Variants in WDR70 observed in about 807,000 individuals in gnomAD.
WDR70 encodes the protein WD repeat-containing protein 70.
Under a neutral mutation model 88.6 loss-of-function variants are expected in WDR70, and 53 were observed. That is an observed-to-expected ratio of 0.60 (90% CI 0.48 to 0.75). The LOEUF is 0.75. Ranked by LOEUF, WDR70 falls within the 30% of genes least tolerant of loss-of-function variation. The pLI is 0.00. For missense variants in WDR70, 610 were observed against 823.2 expected, an observed-to-expected ratio of 0.74 and a Z score of 3.17; for synonymous variants, 280 against 270.0, an observed-to-expected ratio of 1.04 and a Z score of -0.36.
intron 10 of WDR70, among the ~76,000 whole-genome samples, chr5:37,632,731 AT>A (rs1468583309): frequency 2.0e-5 from 3 of 152,214 alleles, no homozygotes; most frequent in Admixed American, 1.3e-4. Context: ...GCTACAGTTA[AT>A]TTATTATTGA....
intron 17 of WDR70, among the ~76,000 whole-genome samples, chr5:37,743,285 G>A (rs966494206): frequency 6.6e-6 from 1 of 152,236 alleles, no homozygotes; most frequent in African/African-American, 2.4e-5. Context: ...ATGGAACTGT[G>A]CAACCCACGG....
intron 7 of WDR70, among the ~76,000 whole-genome samples, chr5:37,455,052 A>G (rs1738789047): frequency 1.3e-5 from 2 of 152,222 alleles, no homozygotes; most frequent in African/African-American, 2.4e-5. Flanking sequence ...TAAAGCATTC[A>G]GTAGATAATA....
At chr5:37,664,425 G>C (rs1745783696) in intron 10 of WDR70, among the ~76,000 whole-genome samples, 1 of 152,164 alleles carries the variant, frequency 6.6e-6, no homozygotes, top group Non-Finnish European at 1.5e-5. Flanking sequence ...ACACTTCTAA[G>C]ACTTTTCTAT....
intron 12 of WDR70, among the ~76,000 whole-genome samples, chr5:37,701,382 G>T (rs528287369): frequency 6.6e-6 from 1 of 152,210 alleles, no homozygotes; most frequent in East Asian, 1.9e-4. Context: ...TGTGTGTATT[G>T]TATGCACGCA....
intron 7 of WDR70, among the ~76,000 whole-genome samples, chr5:37,453,111 G>T (rs1252948747): frequency 6.6e-6 from 1 of 152,130 alleles, no homozygotes; most frequent in African/African-American, 2.4e-5. Flanking sequence ...TTGTTGTTAA[G>T]CACAGTTTAT....
chr5:37,714,098 T>A (rs924699636), intron 13 of WDR70, among the ~76,000 whole-genome samples: 2 of 152,238 alleles, frequency 1.3e-5, no homozygotes, highest in African/African-American at 2.4e-5. Flanking sequence ...CATCTTTACC[T>A]GTACTATAGT....
At chr5:37,430,583 C>A (rs185033592) in intron 5 of WDR70, among the ~76,000 whole-genome samples, 1 of 151,326 alleles carries the variant, frequency 6.6e-6, no homozygotes, top group Non-Finnish European at 1.5e-5. Flanking sequence ...TTTTTTGATA[C>A]GGAGTCTCGC....
At chr5:37,522,470 CAAAAA>C (rs1209419601) in intron 9 of WDR70, among the ~76,000 whole-genome samples, 4 of 41,364 alleles carry the variant, frequency 9.7e-5, no homozygotes, top group Non-Finnish European at 1.5e-4. Context: ...GACTCTGTCT[CAAAAA>C]AAAAAAAAAA....
chr5:37,419,265 G>A (rs914692639), intron 5 of WDR70, among the ~76,000 whole-genome samples: 3 of 149,752 alleles, frequency 2.0e-5, no homozygotes, highest in African/African-American at 7.4e-5. Context: ...GGAGTGCAGT[G>A]GCGCAATCTT....
intron 9 of WDR70, among the ~76,000 whole-genome samples, chr5:37,569,319 C>G (rs1293226229): frequency 6.6e-6 from 1 of 152,116 alleles, no homozygotes; most frequent in Non-Finnish European, 1.5e-5. Flanking sequence ...GGTGGGAAGT[C>G]ACTTGCTGCT....
chr5:37,682,393 T>G (rs1383546966), intron 10 of WDR70, among the ~76,000 whole-genome samples: 1 of 151,838 alleles, frequency 6.6e-6, no homozygotes, highest in East Asian at 1.9e-4. Context: ...ATTGATCTTT[T>G]GAATGGTTTT....
intron 7 of WDR70, among the ~76,000 whole-genome samples, chr5:37,444,568 C>T (rs915553030): frequency 6.6e-6 from 1 of 152,052 alleles, no homozygotes; most frequent in Non-Finnish European, 1.5e-5. Context: ...GTCTCAAACT[C>T]CTGATCTCAA....
At chr5:37,692,434 A>G (rs1746827312) in intron 10 of WDR70, among the ~76,000 whole-genome samples, 1 of 152,184 alleles carries the variant, frequency 6.6e-6, no homozygotes, top group Admixed American at 6.5e-5. Flanking sequence ...TTAGACCAAT[A>G]TTCCTGATGA....
At chr5:37,524,776 G>A (rs892729193) in intron 9 of WDR70, among the ~76,000 whole-genome samples, 2 of 152,178 alleles carry the variant, frequency 1.3e-5, no homozygotes, top group African/African-American at 4.8e-5. Context: ...AAAATAAAAG[G>A]ATGGAGGAAG....
intron 8 of WDR70, chr5:37,505,655 A>T: frequency 1.2e-6 from 1 of 800,208 alleles, no homozygotes; most frequent in East Asian, 2.4e-5. Flanking sequence ...AAATGTTTTC[A>T]TCTTGTACAT....
chr5:37,592,412 C>A (rs948609360), intron 9 of WDR70, among the ~76,000 whole-genome samples: 2 of 149,364 alleles, frequency 1.3e-5, no homozygotes, highest in African/African-American at 5.0e-5. Context: ...TACACTTATT[C>A]ATACATAAGT....
intron 10 of WDR70, among the ~76,000 whole-genome samples, chr5:37,684,536 T>C (rs1209760815): frequency 3.3e-5 from 5 of 152,228 alleles, no homozygotes; most frequent in African/African-American, 4.8e-5. Flanking sequence ...GTCAACTAGC[T>C]TCATTTCTGG....
intron 7 of WDR70, among the ~76,000 whole-genome samples, chr5:37,473,275 C>T (rs1425544620): frequency 6.6e-6 from 1 of 150,850 alleles, no homozygotes; most frequent in Non-Finnish European, 1.5e-5. Flanking sequence ...GATACACGTA[C>T]ACACACAGCA....
intron 9 of WDR70, among the ~76,000 whole-genome samples, chr5:37,518,784 A>G (rs1371068428): frequency 6.6e-6 from 1 of 151,474 alleles, no homozygotes; most frequent in African/African-American, 2.4e-5. Flanking sequence ...AGGTCAGCAG[A>G]TAAACACGTG....
Sources: allele counts gnomAD v4.1 joint callset (sites outside exome capture counted in the v4.1 genomes callset), GRCh38; gene constraint gnomAD v4.1.1; transcripts MANE v1.5; gene names NCBI Gene and HGNC (gene_info 2026-07-23, HGNC 2026-07-21).